GRIK4: variants seen among roughly 807,000 people sequenced by gnomAD.
GRIK4 encodes the protein glutamate ionotropic receptor kainate type subunit 4, also known as glutamate receptor ionotropic, kainate 4.
In GRIK4, 40 loss-of-function variants were observed where a neutral mutation model predicts 104.9. The observed-to-expected ratio is 0.38, with a 90% CI of 0.30 to 0.50. GRIK4 has a LOEUF of 0.50. Among genes scored for constraint, GRIK4 ranks in the 20% least tolerant of loss-of-function variants. The pLI, the probability that GRIK4 is intolerant of heterozygous loss-of-function variation, is 0.93. For synonymous variants in GRIK4, 485 were observed against 524.9 expected, an observed-to-expected ratio of 0.92 and a Z score of 1.04; for missense variants, 1,047 against 1,308.1, an observed-to-expected ratio of 0.80 and a Z score of 3.08.
intron 3 of GRIK4, among the ~76,000 whole-genome samples, chr11:120,716,496 G>A (rs894616348): frequency 5.3e-5 from 8 of 152,158 alleles, no homozygotes; most frequent in African/African-American, 1.9e-4. Flanking sequence ...CACCCACCTT[G>A]GCCTCACAAA....
At chr11:120,629,582 T>G (rs1949307067) in intron 1 of GRIK4, among the ~76,000 whole-genome samples, 1 of 152,046 alleles carries the variant, frequency 6.6e-6, no homozygotes, top group African/African-American at 2.4e-5. Flanking sequence ...CCTGGCTATG[T>G]GCTCAGGCTT....
At chr11:120,535,668 A>G (rs1947967116) in intron 1 of GRIK4, among the ~76,000 whole-genome samples, 1 of 152,222 alleles carries the variant, frequency 6.6e-6, no homozygotes, top group Non-Finnish European at 1.5e-5. Flanking sequence ...CGAGGATTAA[A>G]TGAGTTAAAA....
intron 1 of GRIK4, among the ~76,000 whole-genome samples, chr11:120,528,408 A>T (rs1351338323): frequency 6.6e-6 from 1 of 152,060 alleles, no homozygotes. Flanking sequence ...ACCAAGCCCG[A>T]CCCTATAATT....
At chr11:120,577,547 G>T (rs977863354) in intron 1 of GRIK4, among the ~76,000 whole-genome samples, 2 of 152,148 alleles carry the variant, frequency 1.3e-5, no homozygotes, top group Non-Finnish European at 2.9e-5. Context: ...AAGGGGCTGG[G>T]GAGTTTCTTG....
At chr11:120,640,361 G>C (rs1949455053) in intron 1 of GRIK4, among the ~76,000 whole-genome samples, 1 of 152,178 alleles carries the variant, frequency 6.6e-6, no homozygotes, top group African/African-American at 2.4e-5. Flanking sequence ...GTGCCACATA[G>C]AAGTTTGGAA....
At chr11:120,530,328 G>A (rs1041070617) in intron 1 of GRIK4, among the ~76,000 whole-genome samples, 1 of 152,196 alleles carries the variant, frequency 6.6e-6, no homozygotes, top group Admixed American at 6.5e-5. Context: ...ATATTTCATG[G>A]AGAAGAGTGA....
rs1013977746 is a variant in GRIK4 at position 120,620,261 on chromosome 11, C to T, written c.-158-33424C>T. On this transcript the variant is annotated intron_variant, in intron 1 of 20. Coordinates refer to ENST00000527524, the MANE Select transcript of GRIK4 (RefSeq NM_014619.5). ...CAGCCACCCTAATAGGTTTTCTCCT[C>T]GCCATCCATTTTGTTCTTATGAAAT... 3.1e-5 allele frequency: 23 copies of T among 744,888 alleles called. 1 individual carries two copies. The highest frequency in any genetic ancestry group is 3.7e-4 in the Middle Eastern group (1 of 2,708). The allele number at this position is 744,888 out of a possible 1,614,324, so 46.1% of individuals were successfully genotyped here. A position where few individuals can be genotyped will look rare whatever the true frequency, so the allele number is the denominator to read the frequency against.
chr11:120,671,910 A>G (rs1326208540), intron 3 of GRIK4, among the ~76,000 whole-genome samples: 1 of 152,114 alleles, frequency 6.6e-6, no homozygotes, highest in Non-Finnish European at 1.5e-5. Context: ...TGTTTTTGCC[A>G]GGTTTGTCAA....
rs71050753 is a variant in GRIK4, at chr11:120,658,727, C to CTTT, written c.-50-1505_-50-1503dup. Among the ~76,000 whole-genome samples, 4 of 56,746 alleles carry CTTT rather than the reference C, an allele frequency of 7.0e-5. 1 individual carries two copies. The highest frequency in any genetic ancestry group is 1.9e-4 in the African/African-American group (4 of 21,072). 37.2% of individuals were successfully genotyped at this position (56,746 alleles called of 152,430 possible). A position where few individuals can be genotyped will look rare whatever the true frequency, so the allele number is the denominator to read the frequency against. On this transcript the variant is annotated intron_variant, in intron 2 of 20. Transcript: ENST00000527524. ...TCTGTCTAGGGGTTGGAGGACGAAA[C>CTTT]TTTTTTTTTTTTTTTTTTTTTTTTT...
intron 1 of GRIK4, among the ~76,000 whole-genome samples, chr11:120,635,125 G>T (rs1949382748): frequency 6.6e-6 from 1 of 152,076 alleles, no homozygotes; most frequent in South Asian, 2.1e-4. Flanking sequence ...TCATATTACG[G>T]TCCCTGCAAA....
Position 120,952,696 on chromosome 11 carries a change from C to T in GRIK4, c.1591-159C>T, listed in dbSNP as rs1944031170. Among the ~76,000 whole-genome samples, 1 of 152,162 alleles carries T rather than the reference C, an allele frequency of 6.6e-6. No individual in the cohort carries two copies. Among genetic ancestry groups the T allele is most frequent in the Non-Finnish European group, 1.5e-5 (1 of 68,014 alleles). ...TGTCATTTGCGCAGCCCGGCAACAC[C>T]CTCATTCCCAGTGTCATTTAAACCA... is the stretch of plus-strand genomic sequence containing the variant. On this transcript the variant is annotated intron_variant, in intron 14 of 20. Coordinates refer to ENST00000527524, the MANE Select transcript of GRIK4 (RefSeq NM_014619.5). The surrounding 1 kb of genome is among the most constrained non-coding windows in gnomAD (Gnocchi z 5.2).
At position 120,867,574 on chromosome 11, in the gene GRIK4, A is replaced by G. The variant is rs77928854; in HGVS notation, c.906+5454A>G. Among the ~76,000 whole-genome samples, 22 of 151,562 alleles carry G rather than the reference A, an allele frequency of 1.5e-4. 1 individual carries two copies. In the East Asian group the frequency reaches 3.9e-3, roughly 27 times the overall value. ...TTGCCTTTTTCTCCTGACTTGGGTA[A>G]GGGTCTGCCGCTCTTCCTCACCTTC... On this transcript the variant is annotated intron_variant, in intron 9 of 20. Coordinates refer to ENST00000527524, the MANE Select transcript of GRIK4 (RefSeq NM_014619.5).
chr11:120,788,872 T>C lies in GRIK4; in HGVS notation c.83-13821T>C, dbSNP rs374311140. Among the ~76,000 whole-genome samples the C allele has an allele frequency of 2.1e-3, 319 of 152,118 alleles. 2 individuals carry two copies. The highest frequency in any genetic ancestry group is 7.5e-3 in the African/African-American group (312 of 41,466). ...TTCACTTCTCGGCCGCTCCTCCACC[T>C]GCTGCCATCTAAATGCTGCCTAACC... On this transcript the variant is annotated intron_variant, in intron 3 of 20. Coordinates refer to ENST00000527524, the MANE Select transcript of GRIK4 (RefSeq NM_014619.5).
chr11:120,514,614 G>T (rs1289601519), intron 1 of GRIK4, among the ~76,000 whole-genome samples: 3 of 152,084 alleles, frequency 2.0e-5, no homozygotes, highest in African/African-American at 7.2e-5. Flanking sequence ...TGGAGTCTTT[G>T]CTCTGTAGTC....
chr11:120,636,737 G>A (rs1483767803), intron 1 of GRIK4, among the ~76,000 whole-genome samples: 4 of 152,224 alleles, frequency 2.6e-5, no homozygotes, highest in African/African-American at 9.6e-5. Context: ...CTACTTGGGA[G>A]GCTGAGGCAG....
At chr11:120,690,596 G>A (rs1057279239) in intron 3 of GRIK4, among the ~76,000 whole-genome samples, 1 of 152,254 alleles carries the variant, frequency 6.6e-6, no homozygotes, top group Non-Finnish European at 1.5e-5. Context: ...GGTAACAGTA[G>A]TTGAACCTGC....
chr11:120,868,824 A>T (rs1024772060), intron 9 of GRIK4: 4 of 151,824 alleles, frequency 2.6e-5, no homozygotes, highest in African/African-American at 9.7e-5. Context: ...TGACCTCGTG[A>T]TCTGCTCGCC....
In GRIK4 at chr11:120,766,680, C is replaced by T. The variant is rs530437137; in HGVS notation, c.83-36013C>T. On this transcript the variant is annotated intron_variant, in intron 3 of 20. Transcript: ENST00000527524. ...ATCACCGTCCCTCACAGCACAGTCC[C>T]TCATGGCTTCCCTTGGCTAGGGGAG... 5.3e-5 allele frequency among the ~76,000 whole-genome samples: 8 copies of T among 152,212 alleles called. No individual in the cohort carries two copies. In the East Asian group the frequency reaches 1.6e-3, roughly 30 times the overall value.
At chr11:120,655,129 G>C (rs931990627) in intron 2 of GRIK4, among the ~76,000 whole-genome samples, 2 of 151,906 alleles carry the variant, frequency 1.3e-5, no homozygotes, top group Admixed American at 6.6e-5. Context: ...CTGGGTACTT[G>C]GTGCTCTCCA....
Sources: gnomAD v4.1 joint callset for allele counts (sites outside exome capture counted in the v4.1 genomes callset) on GRCh38, gnomAD v4.1.1 for gene constraint, Gnocchi (gnomAD v3.1) non-coding constraint, MANE v1.5 for transcripts, NCBI Gene and HGNC (gene_info 2026-07-23, HGNC 2026-07-21) for gene names.